Variants in SLC3A1 observed in about 807,000 individuals in gnomAD.
SLC3A1 encodes amino acid transporter heavy chain SLC3A1.
SLC3A1 carries 78 observed loss-of-function variants against 60.3 expected under a neutral mutation model. The observed-to-expected ratio is 1.29, with a 90% CI of 1.08 to 1.56. The LOEUF (loss-of-function observed/expected upper bound fraction) is 1.56. SLC3A1 is among the 40% of genes most tolerant of loss of function. SLC3A1 has a pLI of 0.00. For synonymous variants in SLC3A1, 392 were observed against 307.9 expected (o/e 1.27, Z -2.86); for missense variants, 1,172 against 858.9 (o/e 1.36, Z -4.56).
At chr2:44,290,680 A>C (rs1300631160) in intron 4 of SLC3A1, among the ~76,000 whole-genome samples, 2 of 91,102 alleles carry the variant, frequency 2.2e-5, no homozygotes, top group Non-Finnish European at 4.4e-5. Context: ...CTTATTTTTA[A>C]GACTTTTTTT....
intron 9 of SLC3A1, chr2:44,318,147 G>T: frequency 2.3e-6 from 1 of 440,996 alleles, no homozygotes; most frequent in Admixed American, 2.5e-5. Flanking sequence ...CTCGAGTGCA[G>T]TGGCGTGATC....
intron 7 of SLC3A1, 26 bp downstream of exon 7, chr2:44,304,364 A>G (rs773809343): frequency 6.5e-7 from 1 of 1,545,240 alleles, no homozygotes; most frequent in Non-Finnish European, 9.0e-7. Context: ...AGCAGAGTAC[A>G]TAATGTGCTG....
rs189459803 is a variant in SLC3A1, at chr2:44,300,939, T to G, written c.1012-64T>G. The G allele has an allele frequency of 3.9e-4, 633 of 1,605,846 alleles. 2 individuals carry two copies. In the African/African-American group the frequency reaches 7.9e-3, roughly 20 times the overall value. ...TTTGAAGAGGTTGTCTACATTCATA[T>G]AGAGCGAGCTGTGGGCATGCAATGT... On this transcript the variant is annotated intron_variant, in intron 5 of 9. Transcript: ENST00000260649.
At chr2:44,303,076 C>T (rs1158282576) in intron 6 of SLC3A1, among the ~76,000 whole-genome samples, 1 of 151,596 alleles carries the variant, frequency 6.6e-6, no homozygotes, top group Non-Finnish European at 1.5e-5. Flanking sequence ...TGGCGGGTGC[C>T]TGTAATCCTA....
chr2:44,304,403 A>C (rs1672100235), intron 7 of SLC3A1, 65 bp downstream of exon 7: 3 of 1,236,782 alleles, frequency 2.4e-6, no homozygotes, highest in Non-Finnish European at 3.6e-6. Context: ...AGTTATCTCT[A>C]AAATGCAATG....
intron 6 of SLC3A1, 47 bp from the exon 7 acceptor site, chr2:44,304,096 G>A (rs374974578): frequency 6.1e-5 from 91 of 1,502,346 alleles, no homozygotes; most frequent in East Asian, 4.5e-4. Flanking sequence ...TGCCTTCCCA[G>A]TCTTCTGACA....
chr2:44,313,443 G>A (rs1216412841), intron 8 of SLC3A1, among the ~76,000 whole-genome samples: 3 of 152,116 alleles, frequency 2.0e-5, no homozygotes, highest in Non-Finnish European at 4.4e-5. Context: ...CTGAATAAAC[G>A]AGTAGGACAG....
At chr2:44,276,548 G>T (rs1671345293) in intron 1 of SLC3A1, among the ~76,000 whole-genome samples, 1 of 152,120 alleles carries the variant, frequency 6.6e-6, no homozygotes, top group Non-Finnish European at 1.5e-5. Context: ...TTAAAACCAT[G>T]TCCGTATTAG....
At chr2:44,311,729 A>AAG (rs1316618472) in intron 7 of SLC3A1, among the ~76,000 whole-genome samples, 1 of 151,772 alleles carries the variant, frequency 6.6e-6, no homozygotes, top group African/African-American at 2.4e-5. Context: ...AAGTTAAAAA[A>AAG]AAAAAAACCC....
chr2:44,298,834 T>C (rs1040512939), intron 4 of SLC3A1, among the ~76,000 whole-genome samples: 2 of 152,044 alleles, frequency 1.3e-5, no homozygotes, highest in Non-Finnish European at 2.9e-5. Context: ...GCAAGGTGTG[T>C]TGGAAGAGTA....
rs1672075730 is a variant in SLC3A1, at chr2:44,303,666, G to A, written c.1137-477G>A. On this transcript the variant is annotated intron_variant, in intron 6 of 9. Coordinates refer to ENST00000260649, the MANE Select transcript of SLC3A1 (RefSeq NM_000341.4). ...TACATAGGTATACATGTGCCATGTT[G>A]GTTTGCTGCACCCATCAACTTGTCA... 3 of 227,372 alleles carry A rather than the reference G, an allele frequency of 1.3e-5. No individual in the cohort carries two copies. The South Asian group carries it at 2.1e-4, about 16-fold the overall frequency. 14.1% of individuals were successfully genotyped at this position (227,372 alleles called of 1,614,324 possible). A position where few individuals can be genotyped will look rare whatever the true frequency, so the allele number is the denominator to read the frequency against.
chr2:44,278,485 A>T (rs1671402729), intron 1 of SLC3A1, among the ~76,000 whole-genome samples: 1 of 151,814 alleles, frequency 6.6e-6, no homozygotes, highest in Non-Finnish European at 1.5e-5. Context: ...AAATAAAATA[A>T]AATAAATAAG....
At chr2:44,276,927 A>G (rs1194461665) in intron 1 of SLC3A1, among the ~76,000 whole-genome samples, 4 of 152,156 alleles carry the variant, frequency 2.6e-5, no homozygotes, top group Non-Finnish European at 4.4e-5. Context: ...TAACAAACTA[A>G]TGTTTTACAA....
chr2:44,312,434 A>G (rs1672321247), intron 7 of SLC3A1, 152 bp from the exon 8 acceptor site: 2 of 745,258 alleles, frequency 2.7e-6, no homozygotes, highest in South Asian at 1.5e-5. Context: ...GTTACACAGC[A>G]AATAGCAGGC....
At chr2:44,306,294 A>G (rs1296870015) in intron 7 of SLC3A1, among the ~76,000 whole-genome samples, 8 of 152,134 alleles carry the variant, frequency 5.3e-5, no homozygotes, top group African/African-American at 1.4e-4. Context: ...CTGAAAGGAT[A>G]AAGGAGAAAA....
intron 7 of SLC3A1, among the ~76,000 whole-genome samples, chr2:44,304,813 ATTTTTTTTTTTT>A (rs70965349): frequency 3.5e-5 from 3 of 85,832 alleles, no homozygotes; most frequent in African/African-American, 1.4e-4. Context: ...CTTGAAAACA[ATTTTTTTTTTTT>A]TTTTTTTTTT....
intron 4 of SLC3A1, among the ~76,000 whole-genome samples, chr2:44,292,048 C>A (rs925738592): frequency 6.6e-6 from 1 of 152,298 alleles, no homozygotes; most frequent in African/African-American, 2.4e-5. Flanking sequence ...TACTGGTCCT[C>A]CACATTTCTT....
intron 6 of SLC3A1, among the ~76,000 whole-genome samples, chr2:44,303,405 A>G (rs982442382): frequency 2.7e-5 from 4 of 150,864 alleles, no homozygotes; most frequent in Admixed American, 2.6e-4. Flanking sequence ...CACCACACCT[A>G]ATTTTTGTAT....
At chr2:44,315,427 A>G (rs1395814822) in intron 9 of SLC3A1, among the ~76,000 whole-genome samples, 1 of 151,578 alleles carries the variant, frequency 6.6e-6, no homozygotes, top group Non-Finnish European at 1.5e-5. Flanking sequence ...AGCCAGAGGA[A>G]TGCTTGAGCA....
Sources: gnomAD v4.1 joint callset for allele counts (sites outside exome capture counted in the v4.1 genomes callset) on GRCh38, gnomAD v4.1.1 for gene constraint, MANE v1.5 for transcripts, NCBI Gene and HGNC (gene_info 2026-07-23, HGNC 2026-07-21) for gene names.